Variants in PCBP3 observed in about 807,000 individuals in gnomAD.
The protein encoded by PCBP3 is poly(rC) binding protein 3.
PCBP3 carries 25 observed loss-of-function variants against 52.7 expected under a neutral mutation model. The observed-to-expected ratio is 0.47, with a 90% CI of 0.35 to 0.66. The LOEUF is 0.66. Ranked by LOEUF, PCBP3 falls within the 30% of genes least tolerant of loss-of-function variation. The probability of loss-of-function intolerance (pLI) is 0.01; values close to 1 mark genes in which losing one functional copy is unlikely to be tolerated. For synonymous variants in PCBP3, 162 were observed against 183.0 expected (o/e 0.89, Z 0.93); for missense variants, 391 against 490.3 (o/e 0.80, Z 1.91).
At chr21:45,910,224 C>T (rs1337239944) in intron 10 of PCBP3, among the ~76,000 whole-genome samples, 2 of 128,102 alleles carry the variant, frequency 1.6e-5, no homozygotes, top group Non-Finnish European at 3.3e-5. Flanking sequence ...CCACCCACTG[C>T]CCAAATATGG....
intron 11 of PCBP3, among the ~76,000 whole-genome samples, chr21:45,913,137 A>G (rs564856706): frequency 1.3e-5 from 2 of 152,308 alleles, no homozygotes; most frequent in Admixed American, 6.5e-5. Context: ...CCCTGGGGAC[A>G]GTTAGACAGG....
intron 9 of PCBP3, among the ~76,000 whole-genome samples, chr21:45,907,376 C>T (rs908143208): frequency 3.3e-5 from 5 of 152,152 alleles, no homozygotes; most frequent in East Asian, 1.9e-4. Flanking sequence ...CCTCATGGGA[C>T]GAAAGGGCTG....
rs577054281 is a variant in PCBP3 at position 45,880,653 on chromosome 21, C to T, written c.11-15555C>T. Among the ~76,000 whole-genome samples the T allele has an allele frequency of 5.3e-5, 8 of 152,180 alleles. No individual in the cohort carries two copies. Among genetic ancestry groups the T allele is most frequent in the African/African-American group, 1.7e-4 (7 of 41,512 alleles). ...GATTCAGTGGTGAACGGAGGAGACA[C>T]GTGTGCCCTCTGCCCTCTCGGTGCC... On this transcript the variant is annotated intron_variant, in intron 5 of 17. Coordinates refer to ENST00000681687, the MANE Select transcript of PCBP3 (RefSeq NM_001384156.1). This position sits in a 1 kb window ranked among gnomAD's most constrained non-coding sequence, Gnocchi z 5.4.
At chr21:45,878,314 G>A (rs752083719) in intron 5 of PCBP3, among the ~76,000 whole-genome samples, 12 of 152,360 alleles carry the variant, frequency 7.9e-5, no homozygotes, top group South Asian at 4.1e-4. Context: ...GGGCTGTTTC[G>A]TGTCTCTGCC....
Position 45,821,005 on chromosome 21 carries a change from G to T in PCBP3, c.-125-28956G>T, listed in dbSNP as rs1394854562. Among the ~76,000 whole-genome samples, 1 of 152,116 alleles carries T rather than the reference G, an allele frequency of 6.6e-6. No homozygotes were observed. Among genetic ancestry groups the T allele is most frequent in the African/African-American group, 2.4e-5 (1 of 41,422 alleles). On this transcript the variant is annotated intron_variant, in intron 4 of 17. Transcript: ENST00000681687. This position sits in a 1 kb window ranked among gnomAD's most constrained non-coding sequence, Gnocchi z 4.4. Reference sequence around the variant, plus strand: ...GGAGTGCGTTCTGAGAGGAGACCCGGCCCCTCGTCCTTGTCCATCCATGTG... The same window carrying T: ...GGAGTGCGTTCTGAGAGGAGACCCGTCCCCTCGTCCTTGTCCATCCATGTG...
At chr21:45,896,404 G>A (rs376181042) in intron 6 of PCBP3, 42 bp downstream of exon 6, 24 of 1,540,906 alleles carry the variant, frequency 1.6e-5, no homozygotes, top group South Asian at 3.6e-5. Context: ...AGGCGGCCGC[G>A]GCAGACAGAA....
intron 13 of PCBP3, among the ~76,000 whole-genome samples, chr21:45,922,878 T>G (rs932726601): frequency 3.3e-5 from 5 of 152,176 alleles, no homozygotes; most frequent in African/African-American, 1.2e-4. Context: ...TGGACGTGAG[T>G]GGCAGATGTG....
chr21:45,831,408 CAAAAAA>C (rs59400163), intron 4 of PCBP3, among the ~76,000 whole-genome samples: 19,614 of 86,460 alleles, frequency 0.23, 1,371 homozygotes, highest in Middle Eastern at 0.38. Context: ...GATGCTGTCT[CAAAAAA>C]AAAAAAAAAA....
chr21:45,939,800 G>A (rs2077260328), intron 16 of PCBP3, among the ~76,000 whole-genome samples: 2 of 152,194 alleles, frequency 1.3e-5, no homozygotes, highest in Non-Finnish European at 2.9e-5. Context: ...GGTCTGAGAG[G>A]GGCCAGCAGA....
rs1391126906 is a variant in PCBP3 at position 45,802,922 on chromosome 21, T to TA, written c.-125-47038dup. Among the ~76,000 whole-genome samples, 1 of 152,246 alleles carries TA rather than the reference T, an allele frequency of 6.6e-6. No homozygotes were observed. The highest frequency in any genetic ancestry group is 2.4e-5 in the African/African-American group (1 of 41,472). On this transcript the variant is annotated intron_variant, in intron 4 of 17. Coordinates refer to ENST00000681687, the MANE Select transcript of PCBP3 (RefSeq NM_001384156.1). This position sits in a 1 kb window ranked among gnomAD's most constrained non-coding sequence, Gnocchi z 5.1. ...GGTGCATTTTTCATTGATACTCATA[T>TA]ATTTACTGTTGAATCTCTTTGAGTT...
At chr21:45,658,563 C>T (rs558978559) in intron 1 of PCBP3, among the ~76,000 whole-genome samples, 1 of 152,134 alleles carries the variant, frequency 6.6e-6, no homozygotes, top group Non-Finnish European at 1.5e-5. Context: ...CCTGGCATCC[C>T]AAAATGCTGG....
rs2087846682 is a variant in PCBP3 at position 45,754,507 on chromosome 21, C to T, written c.-161-910C>T. On this transcript the variant is annotated intron_variant, in intron 3 of 17. Coordinates refer to ENST00000681687, the MANE Select transcript of PCBP3 (RefSeq NM_001384156.1). ...ACTACCAGAAATTATCTCAGGTTTTCAGCAGCATTTAAAAAATATTCCCTG... is the reference window on the plus strand; with the variant it reads ...ACTACCAGAAATTATCTCAGGTTTTTAGCAGCATTTAAAAAATATTCCCTG... Among the ~76,000 whole-genome samples the T allele has an allele frequency of 2.6e-5, 4 of 152,280 alleles. No homozygotes were observed. In the South Asian group the frequency reaches 8.3e-4, roughly 32 times the overall value.
intron 13 of PCBP3, among the ~76,000 whole-genome samples, chr21:45,923,830 C>T (rs6518261): frequency 0.5 from 35,063 of 69,438 alleles, 7,375 homozygotes; most frequent in African/African-American, 0.67. Flanking sequence ...CGAGGAGATG[C>T]GAACACCGGG....
rs1304262625 is a variant in PCBP3 at position 45,853,411 on chromosome 21, CACAA to C, written c.10+3322_10+3325del. Among the ~76,000 whole-genome samples the C allele has an allele frequency of 2.6e-5, 4 of 152,162 alleles. No homozygotes were observed. Among genetic ancestry groups the C allele is most frequent in the Admixed American group, 6.5e-5 (1 of 15,282 alleles). ...TTTGAAAAAATAATTGGACAAAACA[CACAA>C]ACAAAGCAAGGAAAGAATGAAGCAG... On this transcript the variant is annotated intron_variant, in intron 5 of 17. Transcript: ENST00000681687. The surrounding 1 kb of genome is among the most constrained non-coding windows in gnomAD (Gnocchi z 4.6).
At chr21:45,775,655 G>A (rs1009205290) in intron 4 of PCBP3, among the ~76,000 whole-genome samples, 1 of 152,180 alleles carries the variant, frequency 6.6e-6, no homozygotes, top group South Asian at 2.1e-4. Flanking sequence ...CTGGCCTTAA[G>A]CAGTCTTCCC....
At position 45,924,020 on chromosome 21, in the gene PCBP3, A is replaced by C. The variant is rs2074921178; in HGVS notation, c.718-5897A>C. On this transcript the variant is annotated intron_variant, in intron 13 of 17. Coordinates refer to ENST00000681687, the MANE Select transcript of PCBP3 (RefSeq NM_001384156.1). ...GCACACGTAAGATCGGGTGTGCACG[A>C]GGAGATGCGAACACCGGGAACAGTC... is the stretch of plus-strand genomic sequence containing the variant. Among the ~76,000 whole-genome samples the C allele has an allele frequency of 3.3e-5, 4 of 121,624 alleles. No individual in the cohort carries two copies. In the East Asian group the frequency reaches 9.0e-4, roughly 27 times the overall value. 79.8% of individuals were successfully genotyped at this position (121,624 alleles called of 152,430 possible).
Position 45,917,925 on chromosome 21 carries a change from G to A in PCBP3, c.717+296G>A, listed in dbSNP as rs940968322. ...GGGAACTGAGACGGGCTCTGTCCCCGTGCAGGGCAGTGAGGATGTGCTCAC... is the reference window on the plus strand; with the variant it reads ...GGGAACTGAGACGGGCTCTGTCCCCATGCAGGGCAGTGAGGATGTGCTCAC... On this transcript the variant is annotated intron_variant, in intron 13 of 17. Transcript: ENST00000681687. The surrounding 1 kb of genome is among the most constrained non-coding windows in gnomAD (Gnocchi z 5.3). The A allele has an allele frequency of 2.1e-5, 9 of 429,602 alleles. No individual in the cohort carries two copies. The highest frequency in any genetic ancestry group is 9.6e-5 in the East Asian group (2 of 20,752). 26.6% of individuals were successfully genotyped at this position (429,602 alleles called of 1,614,324 possible).
At position 45,839,604 on chromosome 21, in the gene PCBP3, A is replaced by G. The variant is rs964144672; in HGVS notation, c.-125-10357A>G. On this transcript the variant is annotated intron_variant, in intron 4 of 17. Transcript: ENST00000681687. Reference sequence around the variant, plus strand: ...CTTGGTTCACATTTTTCTCTTTAGTATCTTAAATATGTTGCTTTACGCCAT... The same window carrying G: ...CTTGGTTCACATTTTTCTCTTTAGTGTCTTAAATATGTTGCTTTACGCCAT... Among the ~76,000 whole-genome samples the G allele has an allele frequency of 2.0e-5, 3 of 152,162 alleles. No homozygotes were observed. The East Asian group carries it at 5.8e-4, about 29-fold the overall frequency.
At chr21:45,752,768 C>T (rs1440085662) in intron 3 of PCBP3, 1 of 151,838 alleles carries the variant, frequency 6.6e-6, no homozygotes, top group Non-Finnish European at 1.5e-5. Flanking sequence ...ACAATGGAAT[C>T]TATTCTACAA....
Sources: allele counts gnomAD v4.1 joint callset (sites outside exome capture counted in the v4.1 genomes callset), GRCh38; gene constraint gnomAD v4.1.1; non-coding constraint Gnocchi (gnomAD v3.1); transcripts MANE v1.5; gene names NCBI Gene and HGNC (gene_info 2026-07-23, HGNC 2026-07-21).